The following CADM1 variants were observed in gnomAD, a reference collection of about 807,000 sequenced individuals.
The protein encoded by CADM1 is TSLC-1.
Under a neutral mutation model 53.1 loss-of-function variants are expected in CADM1, and 15 were observed. That is an observed-to-expected ratio of 0.28 (90% CI 0.19 to 0.44). The LOEUF (loss-of-function observed/expected upper bound fraction) is 0.44. Among genes scored for constraint, CADM1 ranks in the 20% least tolerant of loss-of-function variants. The probability of loss-of-function intolerance (pLI) is 1.00; values close to 1 mark genes in which losing one functional copy is unlikely to be tolerated. For missense variants in CADM1, 434 were observed against 611.3 expected, an observed-to-expected ratio of 0.71 and a Z score of 3.06; for synonymous variants, 281 against 243.0, an observed-to-expected ratio of 1.16 and a Z score of -1.45.
At chr11:115,182,793 C>T (rs1176667106) in intron 10 of CADM1, among the ~76,000 whole-genome samples, 3 of 152,166 alleles carry the variant, frequency 2.0e-5, no homozygotes, top group Admixed American at 1.3e-4. Context: ...CTGTCGTGTC[C>T]CATCCCGCAG....
intron 8 of CADM1, among the ~76,000 whole-genome samples, chr11:115,200,621 G>A (rs572299909): frequency 6.6e-5 from 10 of 152,190 alleles, no homozygotes; most frequent in South Asian, 2.1e-4. Context: ...TCAGCCTCCC[G>A]AGTAGCTGGG....
chr11:115,336,628 A>G (rs1477473113), intron 1 of CADM1, among the ~76,000 whole-genome samples: 2 of 152,154 alleles, frequency 1.3e-5, no homozygotes, highest in African/African-American at 4.8e-5. Flanking sequence ...CAGAACCAAA[A>G]TAAGTCAGGA....
chr11:115,250,611 G>C (rs1176566446), intron 1 of CADM1, among the ~76,000 whole-genome samples: 1 of 152,164 alleles, frequency 6.6e-6, no homozygotes, highest in Non-Finnish European at 1.5e-5. Context: ...CTAATATTAA[G>C]AAAACTCTCA....
chr11:115,294,872 TA>T (rs891104377), intron 1 of CADM1, among the ~76,000 whole-genome samples: 3 of 151,434 alleles, frequency 2.0e-5, no homozygotes, highest in South Asian at 2.1e-4. Flanking sequence ...CCGTCTCTAC[TA>T]AAAAAAATAC....
chr11:115,328,429 T>C (rs930970805), intron 1 of CADM1, among the ~76,000 whole-genome samples: 5 of 151,800 alleles, frequency 3.3e-5, no homozygotes, highest in Non-Finnish European at 5.9e-5. Context: ...ATTTTCCAAG[T>C]GTATAGCTAG....
intron 1 of CADM1, among the ~76,000 whole-genome samples, chr11:115,458,354 A>T (rs905383173): frequency 4.6e-5 from 7 of 152,060 alleles, no homozygotes; most frequent in African/African-American, 1.4e-4. Context: ...AATCTATCCA[A>T]TGCTCAGTTT....
intron 1 of CADM1, among the ~76,000 whole-genome samples, chr11:115,369,254 C>G (rs1283955913): frequency 1.3e-5 from 2 of 151,990 alleles, no homozygotes; most frequent in African/African-American, 4.8e-5. Flanking sequence ...GCCTATATCT[C>G]CAAGGGCACC....
chr11:115,361,889 G>A (rs942079505), intron 1 of CADM1, among the ~76,000 whole-genome samples: 1 of 92,042 alleles, frequency 1.1e-5, no homozygotes, highest in African/African-American at 3.5e-5. Flanking sequence ...CCACACCCGA[G>A]TTTTTGTTTT....
chr11:115,299,716 C>A (rs544156063), intron 1 of CADM1, among the ~76,000 whole-genome samples: 7 of 152,202 alleles, frequency 4.6e-5, no homozygotes, highest in Non-Finnish European at 1.0e-4. Flanking sequence ...GAAGCAGAAG[C>A]AAGACGGAGA....
chr11:115,303,131 A>T (rs555146515), intron 1 of CADM1, among the ~76,000 whole-genome samples: 1 of 152,204 alleles, frequency 6.6e-6, no homozygotes, highest in South Asian at 2.1e-4. Context: ...GGTACAAAAA[A>T]GCCAGCCAAG....
intron 1 of CADM1, chr11:115,399,332 A>C (rs1947079250): frequency 6.6e-6 from 1 of 152,206 alleles, no homozygotes; most frequent in Non-Finnish European, 1.5e-5. Context: ...TAAAAGAAGC[A>C]AAGTGTTTAC....
intron 1 of CADM1, among the ~76,000 whole-genome samples, chr11:115,254,705 A>C (rs1020616039): frequency 1.7e-4 from 26 of 152,130 alleles, no homozygotes; most frequent in African/African-American, 6.3e-4. Flanking sequence ...GAGAGGGGGA[A>C]GAAGGAGAGG....
chr11:115,227,133 T>C (rs747321809), intron 5 of CADM1, among the ~76,000 whole-genome samples: 15 of 152,224 alleles, frequency 9.9e-5, no homozygotes, highest in Non-Finnish European at 1.9e-4. Context: ...AAAGGTGCCA[T>C]ATTAGAGTTT....
chr11:115,289,627 G>A (rs1268691653), intron 1 of CADM1, among the ~76,000 whole-genome samples: 47 of 126,920 alleles, frequency 3.7e-4, no homozygotes, highest in Admixed American at 1.0e-3. Flanking sequence ...ACAGAGTCTC[G>A]CTCTGTCGCC....
At chr11:115,347,345 G>A (rs1945607301) in intron 1 of CADM1, among the ~76,000 whole-genome samples, 1 of 152,162 alleles carries the variant, frequency 6.6e-6, no homozygotes, top group African/African-American at 2.4e-5. Flanking sequence ...AAAGCTGAGA[G>A]CAGGTGTGTG....
chr11:115,196,574 T>C (rs1257783838), intron 9 of CADM1, among the ~76,000 whole-genome samples: 1 of 83,588 alleles, frequency 1.2e-5, no homozygotes, highest in African/African-American at 4.5e-5. Flanking sequence ...TTAAATACAC[T>C]AACAATGATA....
intron 1 of CADM1, among the ~76,000 whole-genome samples, chr11:115,346,898 T>C (rs1243337097): frequency 6.6e-6 from 1 of 152,064 alleles, no homozygotes. Context: ...GATCAGACTA[T>C]GTATAGCCGT....
intron 1 of CADM1, among the ~76,000 whole-genome samples, chr11:115,400,634 T>C (rs1398743601): frequency 1.1e-5 from 1 of 88,686 alleles, no homozygotes; most frequent in Non-Finnish European, 2.4e-5. Flanking sequence ...ATATGTATCA[T>C]ATATATGTGT....
chr11:115,246,507 T>C (rs1325722172), intron 1 of CADM1, among the ~76,000 whole-genome samples: 4 of 152,156 alleles, frequency 2.6e-5, no homozygotes, highest in South Asian at 2.1e-4. Flanking sequence ...CCAGAATCAA[T>C]AGAACTGAGT....
Sources: gnomAD v4.1 joint callset for allele counts (sites outside exome capture counted in the v4.1 genomes callset) on GRCh38, gnomAD v4.1.1 for gene constraint, MANE v1.5 for transcripts, NCBI Gene and HGNC (gene_info 2026-07-23, HGNC 2026-07-21) for gene names.